CACNA2D4: variants seen among roughly 807,000 people sequenced by gnomAD.
CACNA2D4 encodes voltage-dependent calcium channel subunit alpha-2/delta-4.
A neutral mutation model predicts 163.8 loss-of-function variants in CACNA2D4; 157 were observed. The observed-to-expected ratio is 0.96, with a 90% confidence interval of 0.84 to 1.09. CACNA2D4 has a LOEUF of 1.09. CACNA2D4 is among the 50% of genes least tolerant of loss of function. The probability of loss-of-function intolerance (pLI) is 0.00; values close to 1 mark genes in which losing one functional copy is unlikely to be tolerated. For missense variants in CACNA2D4, 1,410 were observed against 1,479.9 expected, an observed-to-expected ratio of 0.95 and a Z score of 0.78; for synonymous variants, 598 against 586.9, an observed-to-expected ratio of 1.02 and a Z score of -0.27.
intron 27 of CACNA2D4, among the ~76,000 whole-genome samples, chr12:1,811,313 G>A (rs534329280): frequency 5.9e-5 from 9 of 152,334 alleles, no homozygotes; most frequent in South Asian, 2.1e-4. Context: ...GCCAGAAGCC[G>A]CTGTCGTCTC....
At chr12:1,809,359 C>T (rs1279463412) in intron 29 of CACNA2D4, 14 of 604,638 alleles carry the variant, frequency 2.3e-5, no homozygotes, top group Admixed American at 1.5e-4. Context: ...CAGCCCCCGG[C>T]GAGACACAGC....
rs774712896 is a variant in CACNA2D4 at position 1,884,999 on chromosome 12, C to T, written c.1146G>A (p.Gln382=). The change falls in exon 10 of 38, where the codon CAG becomes CAA. Residue 382 remains glutamine (Q), a synonymous_variant. Coordinates refer to ENST00000382722, the MANE Select transcript of CACNA2D4 (RefSeq NM_172364.5). ...VVDQALREAF[Q]ILKQFQEAKQ... ...TTACAGTGGGCACCTGCTTCAGGAT[C>T]TGGAAGGCTTCTCTCAGGGCTTGGT... is the stretch of plus-strand genomic sequence containing the variant. The T allele has an allele frequency of 1.9e-6, 3 of 1,613,850 alleles. No homozygotes were observed. The highest frequency in any genetic ancestry group is 1.7e-5 in the Admixed American group (1 of 60,030).
rs1160142086 is a variant in CACNA2D4, at chr12:1,799,686, A to G, written c.2984T>C (p.Val995Ala). ...GCTGGGCTACTTACAGTGATGGAAG[A>G]CACTTTTGGCTGGCCGGAACATAAG... ...WYDRGAEAKS[V>A]FHHSHKHKKQ... The change falls in exon 34 of 38, where the codon GTC becomes GCC. Residue 995 changes from valine (V) to alanine (A), a missense_variant. Coordinates refer to ENST00000382722, the MANE Select transcript of CACNA2D4 (RefSeq NM_172364.5). The surrounding 1 kb of genome is among the most constrained non-coding windows in gnomAD (Gnocchi z 4.7). 4.5e-6 allele frequency: 7 copies of G among 1,572,942 alleles called. No individual in the cohort carries two copies. In the East Asian group the frequency reaches 1.4e-4, roughly 32 times the overall value.
intron 10 of CACNA2D4, 37 bp downstream of exon 10, chr12:1,884,950 C>T (rs757024768): frequency 2.2e-5 from 36 of 1,604,938 alleles, no homozygotes; most frequent in Non-Finnish European, 3.1e-5. Flanking sequence ...CGCCTTCCTC[C>T]CAGTCCTCCC....
At chr12:1,848,748 T>A (rs935488776) in intron 23 of CACNA2D4, among the ~76,000 whole-genome samples, 16 of 130,254 alleles carry the variant, frequency 1.2e-4, no homozygotes, top group Admixed American at 4.8e-4. Context: ...ATTTCATATG[T>A]TTTAACCCAT....
intron 32 of CACNA2D4, 40 bp from the exon 33 acceptor site, chr12:1,800,092 C>A: frequency 6.4e-7 from 1 of 1,563,522 alleles, no homozygotes; most frequent in Non-Finnish European, 8.7e-7. Flanking sequence ...CCTCTGAGCC[C>A]TCCCGACTTG....
chr12:1,799,011 G>A lies in CACNA2D4; in HGVS notation c.2995+664C>T. ...CAGTGGAGATGAAGAGATGGGATAAGCTGGGGACAGCCCAGGTGGTGGGAA... is the reference window on the plus strand; with the variant it reads ...CAGTGGAGATGAAGAGATGGGATAAACTGGGGACAGCCCAGGTGGTGGGAA... On this transcript the variant is annotated intron_variant, in intron 34 of 37. Coordinates refer to ENST00000382722, the MANE Select transcript of CACNA2D4 (RefSeq NM_172364.5). This position sits in a 1 kb window ranked among gnomAD's most constrained non-coding sequence, Gnocchi z 4.7. Among the ~76,000 whole-genome samples, 1 of 152,334 alleles carries A rather than the reference G, an allele frequency of 6.6e-6. No homozygotes were observed. The highest frequency in any genetic ancestry group is 1.9e-4 in the East Asian group (1 of 5,174).
At position 1,883,106 on chromosome 12, in the gene CACNA2D4, C is replaced by G; in HGVS notation, c.1352-106G>C. The G allele has an allele frequency of 3.2e-6, 4 of 1,268,226 alleles. No individual in the cohort carries two copies. The highest frequency in any genetic ancestry group is 4.3e-6 in the Non-Finnish European group (4 of 922,104). 78.6% of individuals were successfully genotyped at this position (1,268,226 alleles called of 1,614,324 possible). A position where few individuals can be genotyped will look rare whatever the true frequency, so the allele number is the denominator to read the frequency against. On this transcript the variant is annotated intron_variant, in intron 12 of 37. Transcript: ENST00000382722. The surrounding 1 kb of genome is among the most constrained non-coding windows in gnomAD (Gnocchi z 4.5). ...TGCAGATGGCTCATAGCCGAATACTCTCTGGAAACTGGACCGGGGCACAGG... is the reference window on the plus strand; with the variant it reads ...TGCAGATGGCTCATAGCCGAATACTGTCTGGAAACTGGACCGGGGCACAGG...
At chr12:1,916,038 A>G (rs758158) in intron 1 of CACNA2D4, among the ~76,000 whole-genome samples, 142,376 of 152,232 alleles carry the variant, frequency 0.94, 66,697 homozygotes, top group East Asian at 1. Context: ...TCTGAGCTCC[A>G]GGTTAGAAGT....
At position 1,854,021 on chromosome 12, in the gene CACNA2D4, C is replaced by T. The variant is rs1461971716; in HGVS notation, c.2176G>A (p.Val726Met). ...LECDEELVREVLFDAVVTAPM... is the reference protein window; with the variant it reads ...LECDEELVREMLFDAVVTAPM... ...GCTGTCACCACCGCGTCAAACAGCA[C>T]CTCCCGGACCAGCTCCTCGTCACCT... is the stretch of plus-strand genomic sequence containing the variant. Residue 726 changes from valine (V) to methionine (M), a missense_variant, in exon 23 of 38, where the codon GTG (valine) becomes ATG (methionine). Physicochemically the swap from Val to Met is conservative, Grantham distance 21. Transcript: ENST00000382722. 6 of 1,611,760 alleles carry T rather than the reference C, an allele frequency of 3.7e-6. No individual in the cohort carries two copies. The South Asian group carries it at 6.6e-5, about 18-fold the overall frequency.
intron 6 of CACNA2D4, among the ~76,000 whole-genome samples, chr12:1,901,964 CA>C (rs1417103549): frequency 6.6e-6 from 1 of 151,954 alleles, no homozygotes; most frequent in Non-Finnish European, 1.5e-5. Context: ...CAAAAATCCT[CA>C]ATAAAAACAC....
At chr12:1,826,417 G>A (rs994636803) in intron 26 of CACNA2D4, among the ~76,000 whole-genome samples, 5 of 58,622 alleles carry the variant, frequency 8.5e-5, no homozygotes, top group South Asian at 7.4e-4. Flanking sequence ...CCCCCCCCCC[G>A]CCAACTGGCA....
chr12:1,851,273 C>T (rs1193111225), intron 23 of CACNA2D4, among the ~76,000 whole-genome samples: 1 of 152,178 alleles, frequency 6.6e-6, no homozygotes, highest in Non-Finnish European at 1.5e-5. Context: ...TTCCCCACTC[C>T]TAGATTTTAG....
At chr12:1,867,019 T>G (rs918565498) in intron 18 of CACNA2D4, among the ~76,000 whole-genome samples, 3 of 152,166 alleles carry the variant, frequency 2.0e-5, no homozygotes, top group African/African-American at 7.2e-5. Flanking sequence ...TTTTTTCTTC[T>G]CTTGGCACTT....
Position 1,894,222 on chromosome 12 carries a change from A to G in CACNA2D4, c.782-7153T>C, listed in dbSNP as rs372686160. Among the ~76,000 whole-genome samples the G allele has an allele frequency of 1.4e-4, 21 of 152,174 alleles. 1 individual carries two copies. In the East Asian group the frequency reaches 2.1e-3, roughly 15 times the overall value. On this transcript the variant is annotated intron_variant, in intron 6 of 37. Transcript: ENST00000382722. Reference sequence around the variant, plus strand: ...GAAAACCTGAACAGACCAATAACACATAATAAAATTGAACCAGTAATAAAA... The same window carrying G: ...GAAAACCTGAACAGACCAATAACACGTAATAAAATTGAACCAGTAATAAAA...
intron 35 of CACNA2D4, 41 bp from the exon 36 acceptor site, chr12:1,795,821 CCACGAGAAGGGCTTCTAGGGAAGGAACTT>C: frequency 7.8e-7 from 1 of 1,278,242 alleles, no homozygotes; most frequent in Non-Finnish European, 1.1e-6. Context: ...TCCGTGGCGA[CCACGAGAAGGGCTTCTAGGGAAGGAACTT>C]CTGGAGACTT....
At chr12:1,793,970 G>C (rs1039849331) in intron 37 of CACNA2D4, among the ~76,000 whole-genome samples, 5 of 152,150 alleles carry the variant, frequency 3.3e-5, no homozygotes, top group African/African-American at 1.2e-4. Flanking sequence ...GGCCTTCTCT[G>C]CTTGCCCTCA....
In CACNA2D4 at chr12:1,918,501, C is replaced by G; in HGVS notation, c.-28G>C. 1 of 1,526,824 alleles carries G rather than the reference C, an allele frequency of 6.5e-7. No individual in the cohort carries two copies. The allele number at this position is 1,526,824 out of a possible 1,614,324, so 94.6% of individuals were successfully genotyped here. ...GCTCTGTCTGCCTTCCTCCCAGACC[C>G]CAGGACGCCCCAGGCCTTTGTCTTC... is the stretch of plus-strand genomic sequence containing the variant. On this transcript the variant is annotated 5_prime_UTR_variant, in exon 1 of 38. Transcript: ENST00000382722.
At chr12:1,865,744 C>T (rs1865638399) in intron 18 of CACNA2D4, among the ~76,000 whole-genome samples, 1 of 152,148 alleles carries the variant, frequency 6.6e-6, no homozygotes, top group Non-Finnish European at 1.5e-5. Context: ...TGTGGGGAAC[C>T]GGGGCGCGGG....
Sources: allele counts gnomAD v4.1 joint callset (sites outside exome capture counted in the v4.1 genomes callset), GRCh38; gene constraint gnomAD v4.1.1; non-coding constraint Gnocchi (gnomAD v3.1); transcripts MANE v1.5; gene names NCBI Gene and HGNC (gene_info 2026-07-23, HGNC 2026-07-21).